Variants in DSCC1 observed in about 807,000 individuals in gnomAD.
DSCC1 encodes DNA replication and sister chromatid cohesion 1.
DSCC1 carries 32 observed loss-of-function variants against 48.2 expected under a neutral mutation model. The observed-to-expected ratio is 0.66, with a 90% CI of 0.50 to 0.89. DSCC1 has a LOEUF of 0.89. Among genes scored for constraint, DSCC1 ranks in the 40% least tolerant of loss-of-function variants. The probability of loss-of-function intolerance (pLI) is 0.00; values close to 1 mark genes in which losing one functional copy is unlikely to be tolerated. For synonymous variants in DSCC1, 150 were observed against 171.5 expected, an observed-to-expected ratio of 0.87 and a Z score of 0.98; for missense variants, 421 against 471.7, an observed-to-expected ratio of 0.89 and a Z score of 1.00.
At position 119,850,524 on chromosome 8, in the gene DSCC1, TTATA is replaced by T. The variant is rs777586649; in HGVS notation, c.352-12_352-9del. Reference sequence around the variant, plus strand: ...ATTAGAAAAACCAAAGATCTAGAAATTATATATATCGTAACCTTTTAGGGGCCAT... The same window carrying T: ...ATTAGAAAAACCAAAGATCTAGAAATTATATCGTAACCTTTTAGGGGCCAT... On this transcript the variant is annotated splice_polypyrimidine_tract_variant and intron_variant, in intron 2 of 8. Coordinates refer to ENST00000313655, the MANE Select transcript of DSCC1 (RefSeq NM_024094.3). 5.8e-5 allele frequency: 90 copies of T among 1,545,590 alleles called. No individual in the cohort carries two copies. The highest frequency in any genetic ancestry group is 7.6e-5 in the Non-Finnish European group (88 of 1,159,800).
At chr8:119,853,580 G>A (rs923111992) in intron 1 of DSCC1, among the ~76,000 whole-genome samples, 3 of 152,252 alleles carry the variant, frequency 2.0e-5, no homozygotes, top group Admixed American at 2.0e-4. Flanking sequence ...ATGCTAAAGT[G>A]GTACTTCTCA....
Position 119,842,778 on chromosome 8 carries a change from T to C in DSCC1, c.767A>G (p.Glu256Gly). Residue 256 changes from glutamate (E) to glycine (G), a missense_variant and splice_region_variant, in exon 6 of 9, where the codon GAA becomes GGA. By Grantham distance (98) the Glu-to-Gly change is moderately conservative (BLOSUM62 -2). Coordinates refer to ENST00000313655, the MANE Select transcript of DSCC1 (RefSeq NM_024094.3). ...LKCYGKKYVD[E>G]GEVYFELDAD... ...TGAGAATACTTTCCAAATCTTACCT[T>C]CATCTACATATTTCTTCCCATAACA... 6.2e-7 allele frequency: 1 copy of C among 1,606,366 alleles called. No homozygotes were observed. Among genetic ancestry groups the C allele is most frequent in the African/African-American group, 1.3e-5 (1 of 74,614 alleles).
In DSCC1 at chr8:119,843,619, A is replaced by G. The variant is rs778462063; in HGVS notation, c.706T>C (p.Leu236=). Residue 236 remains leucine, a synonymous_variant, in exon 5 of 9, where the codon TTG becomes CTG. Coordinates refer to ENST00000313655, the MANE Select transcript of DSCC1 (RefSeq NM_024094.3). Reference sequence around the variant, plus strand: ...AATTAAAATACTTACTCTGGCTCCAATGGTCCGAGTTCCTGAAGGCATGTG... The same window carrying G: ...AATTAAAATACTTACTCTGGCTCCAGTGGTCCGAGTTCCTGAAGGCATGTG... ...LNTCLQELGP[L]EPEEMIEHCL... 24 of 1,609,100 alleles carry G rather than the reference A, an allele frequency of 1.5e-5. 1 individual carries two copies. Among genetic ancestry groups the G allele is most frequent in the Middle Eastern group, 3.3e-4 (2 of 6,026 alleles).
In DSCC1 at chr8:119,834,865, G is replaced by C. The variant is rs748140343; in HGVS notation, c.*28C>G. On this transcript the variant is annotated 3_prime_UTR_variant, in exon 9 of 9. Coordinates refer to ENST00000313655, the MANE Select transcript of DSCC1 (RefSeq NM_024094.3). Reference sequence around the variant, plus strand: ...ATCCAGCAACTTTATAAAGCAACTTGAGTCCTGAAGAAAAGACCGTTGTTC... The same window carrying C: ...ATCCAGCAACTTTATAAAGCAACTTCAGTCCTGAAGAAAAGACCGTTGTTC... 9.0e-6 allele frequency: 13 copies of C among 1,442,374 alleles called. No homozygotes were observed. Among genetic ancestry groups the C allele is most frequent in the Non-Finnish European group, 1.3e-5 (13 of 1,031,292 alleles). 89.3% of individuals were successfully genotyped at this position (1,442,374 alleles called of 1,614,324 possible). A position where few individuals can be genotyped will look rare whatever the true frequency, so the allele number is the denominator to read the frequency against.
Position 119,855,837 on chromosome 8 carries a change from G to A in DSCC1, c.-42C>T. On this transcript the variant is annotated 5_prime_UTR_variant, in exon 1 of 9. Coordinates refer to ENST00000313655, the MANE Select transcript of DSCC1 (RefSeq NM_024094.3). ...GGAGTCCCGCCGCGCCCGGGTGGCT[G>A]CGGGCTTGGCGGGCAAGAAAGAAGT... is the stretch of plus-strand genomic sequence containing the variant. 7 of 1,414,688 alleles carry A rather than the reference G, an allele frequency of 4.9e-6. No individual in the cohort carries two copies. Among genetic ancestry groups the A allele is most frequent in the Non-Finnish European group, 5.5e-6 (6 of 1,084,018 alleles). The allele number at this position is 1,414,688 out of a possible 1,614,324, so 87.6% of individuals were successfully genotyped here. A position where few individuals can be genotyped will look rare whatever the true frequency, so the allele number is the denominator to read the frequency against.
intron 5 of DSCC1, 96 bp downstream of exon 5, chr8:119,843,513 A>G (rs1357277110): frequency 1.4e-6 from 2 of 1,446,790 alleles, no homozygotes; most frequent in South Asian, 1.4e-5. Context: ...TCAAAATACA[A>G]TGATTGTAGT....
At position 119,855,604 on chromosome 8, in the gene DSCC1, C is replaced by G; in HGVS notation, c.182+10G>C. The G allele has an allele frequency of 6.5e-7, 1 of 1,537,088 alleles. No individual in the cohort carries two copies. The highest frequency in any genetic ancestry group is 8.7e-7 in the Non-Finnish European group (1 of 1,143,440). On this transcript the variant is annotated intron_variant, in intron 1 of 8. Transcript: ENST00000313655. ...CCAGAGGCTGGGGGCGCCGCGTGAC[C>G]AGGGCTCACCTGTGTCCATCCTCCA...
chr8:119,853,202 C>T lies in DSCC1; in HGVS notation c.196G>A (p.Gly66Ser). ...AGCACAGCTTGCTCGTCTTTATCAC[C>T]ACGAATCACAAGACTGTAGCAAAAT... ...LEDGHSLVIR[G>S]DKDEQAVLCS... Residue 66 changes from glycine to serine, a missense_variant, in exon 2 of 9, where the codon GGT (glycine) becomes AGT (serine). Physicochemically the swap from Gly to Ser is moderately conservative, Grantham distance 56. Coordinates refer to ENST00000313655, the MANE Select transcript of DSCC1 (RefSeq NM_024094.3). 6.2e-7 allele frequency: 1 copy of T among 1,607,242 alleles called. No individual in the cohort carries two copies. Among genetic ancestry groups the T allele is most frequent in the Non-Finnish European group, 8.5e-7 (1 of 1,175,870 alleles).
At chr8:119,845,485 A>C (rs1205942034) in intron 4 of DSCC1, among the ~76,000 whole-genome samples, 1 of 152,222 alleles carries the variant, frequency 6.6e-6, no homozygotes, top group Admixed American at 6.5e-5. Flanking sequence ...TCTTACTCTG[A>C]AAACATAAAG....
intron 4 of DSCC1, among the ~76,000 whole-genome samples, chr8:119,845,237 C>T (rs754426668): frequency 5.3e-5 from 8 of 152,038 alleles, no homozygotes; most frequent in Non-Finnish European, 8.8e-5. Flanking sequence ...AGGCATGCGC[C>T]AACATGCCCG....
chr8:119,842,427 G>C (rs535031480), intron 6 of DSCC1, among the ~76,000 whole-genome samples: 1 of 149,096 alleles, frequency 6.7e-6, no homozygotes, highest in African/African-American at 2.5e-5. Flanking sequence ...TGTTGCCTAG[G>C]CCAGAGAGCA....
At chr8:119,840,962 A>T (rs948639637) in intron 7 of DSCC1, among the ~76,000 whole-genome samples, 1 of 151,778 alleles carries the variant, frequency 6.6e-6, no homozygotes, top group Non-Finnish European at 1.5e-5. Flanking sequence ...CATTCATCTG[A>T]TCTGACTAGC....
chr8:119,847,229 A>G, intron 3 of DSCC1, 149 bp from the exon 4 acceptor site: 1 of 645,568 alleles, frequency 1.5e-6, no homozygotes, highest in East Asian at 2.8e-5. Flanking sequence ...AATGATTTCT[A>G]CACAAAATCA....
At chr8:119,840,845 G>C (rs570332849) in intron 7 of DSCC1, among the ~76,000 whole-genome samples, 10 of 151,660 alleles carry the variant, frequency 6.6e-5, no homozygotes, top group Non-Finnish European at 1.3e-4. Context: ...CCAGGAGGCG[G>C]GGGTTGCAGT....
intron 4 of DSCC1, 151 bp downstream of exon 4, chr8:119,846,839 G>A (rs1036130516): frequency 3.6e-5 from 26 of 718,062 alleles, no homozygotes; most frequent in Non-Finnish European, 4.3e-5. Flanking sequence ...GATTACAGGC[G>A]TAAGCCACTG....
intron 3 of DSCC1, among the ~76,000 whole-genome samples, chr8:119,847,892 C>T (rs992748890): frequency 1.3e-5 from 2 of 151,300 alleles, no homozygotes; most frequent in African/African-American, 2.4e-5. Flanking sequence ...CTCGAACTCC[C>T]GACCTCAGGT....
chr8:119,836,957 T>C (rs1160627502), intron 8 of DSCC1, among the ~76,000 whole-genome samples: 1 of 151,998 alleles, frequency 6.6e-6, no homozygotes, highest in Non-Finnish European at 1.5e-5. Flanking sequence ...CACTGTCAAA[T>C]AGTGCTAAGT....
In DSCC1 at chr8:119,845,221, G is replaced by A. The variant is rs530009436; in HGVS notation, c.578-1474C>T. On this transcript the variant is annotated intron_variant, in intron 4 of 8. Transcript: ENST00000313655. ...CTGCCTTAGCCTCCTGAGTAGCTGG[G>A]ACTATAGGCATGCGCCAACATGCCC... Among the ~76,000 whole-genome samples the A allele has an allele frequency of 9.2e-5, 14 of 152,108 alleles. No individual in the cohort carries two copies. The South Asian group carries it at 2.7e-3, about 29-fold the overall frequency.
intron 8 of DSCC1, among the ~76,000 whole-genome samples, chr8:119,837,824 T>C (rs1004947719): frequency 1.3e-5 from 2 of 152,050 alleles, no homozygotes; most frequent in Non-Finnish European, 2.9e-5. Context: ...AAAGTTGTAG[T>C]GTTAGTGGAT....
Sources: gnomAD v4.1 joint callset for allele counts (sites outside exome capture counted in the v4.1 genomes callset) on GRCh38, gnomAD v4.1.1 for gene constraint, MANE v1.5 for transcripts, NCBI Gene and HGNC (gene_info 2026-07-23, HGNC 2026-07-21) for gene names.